JAM3: variants seen among roughly 807,000 people sequenced by gnomAD.
The protein encoded by JAM3 is junctional adhesion molecule C.
In JAM3, 31 loss-of-function variants were observed where a neutral mutation model predicts 39.4. That is an observed-to-expected ratio of 0.79 (90% CI 0.59 to 1.06). JAM3 has a LOEUF of 1.06. Among genes scored for constraint, JAM3 ranks in the 50% least tolerant of loss-of-function variants. The pLI, the probability that JAM3 is intolerant of heterozygous loss-of-function variation, is 0.00. For missense variants in JAM3, 455 were observed against 391.4 expected (o/e 1.16, Z -1.37); for synonymous variants, 182 against 148.7 (o/e 1.22, Z -1.63).
intron 1 of JAM3, among the ~76,000 whole-genome samples, chr11:134,121,487 TG>T (rs1384125124): frequency 6.6e-6 from 1 of 151,998 alleles, no homozygotes; most frequent in African/African-American, 2.4e-5. Context: ...TTTTTTTTTT[TG>T]AGCATGTAAA....
At chr11:134,092,900 T>A (rs1394771267) in intron 1 of JAM3, among the ~76,000 whole-genome samples, 2 of 148,512 alleles carry the variant, frequency 1.3e-5, no homozygotes, top group Admixed American at 1.3e-4. Context: ...TGAACCCTCC[T>A]TATTCATCAT....
intron 1 of JAM3, among the ~76,000 whole-genome samples, chr11:134,118,900 G>A (rs539018477): frequency 6.6e-6 from 1 of 152,122 alleles, no homozygotes; most frequent in East Asian, 1.9e-4. Flanking sequence ...TTCTATTTAA[G>A]GTGGCTGCTA....
intron 1 of JAM3, among the ~76,000 whole-genome samples, chr11:134,129,280 C>T (rs560377779): frequency 5.3e-5 from 8 of 152,198 alleles, no homozygotes; most frequent in East Asian, 3.9e-4. Flanking sequence ...CCATGCCTGG[C>T]TAATTTTTTG....
Position 134,149,957 on chromosome 11 carries a change from T to G in JAM3, c.*776T>G, listed in dbSNP as rs1943165444. The stretch of plus-strand genomic sequence containing the variant: ...AATTTTTGCTAAGGATGTATTTTGA[T>G]TATTGAAAAGAAAATTTCTATTTAA... On this transcript the variant is annotated 3_prime_UTR_variant, in exon 9 of 9. Transcript: ENST00000299106. The G allele has an allele frequency of 6.0e-6, 1 of 167,884 alleles. No homozygotes were observed. The allele number at this position is 167,884 out of a possible 1,614,324, so 10.4% of individuals were successfully genotyped here.
At chr11:134,133,471 A>G (rs994974834) in intron 1 of JAM3, among the ~76,000 whole-genome samples, 3 of 152,152 alleles carry the variant, frequency 2.0e-5, no homozygotes, top group Admixed American at 6.5e-5. Flanking sequence ...AGTTCTTTCT[A>G]TTCCTAGTTT....
Position 134,144,786 on chromosome 11 carries a change from C to G in JAM3, c.410-6C>G, listed in dbSNP as rs747088657. The G allele has an allele frequency of 2.4e-5, 39 of 1,613,012 alleles. No homozygotes were observed. The South Asian group carries it at 3.7e-4, about 15-fold the overall frequency. On this transcript the variant is annotated splice_region_variant and splice_polypyrimidine_tract_variant and intron_variant, in intron 4 of 8. Transcript: ENST00000299106. ...GATCTTAAACACCACCCCTTTTTCCCCACAGTGAAGCCAGTGACCCCTGTC... is the reference window on the plus strand; with the variant it reads ...GATCTTAAACACCACCCCTTTTTCCGCACAGTGAAGCCAGTGACCCCTGTC...
chr11:134,075,257 C>T (rs1166716098), intron 1 of JAM3, among the ~76,000 whole-genome samples: 1 of 151,998 alleles, frequency 6.6e-6, no homozygotes, highest in East Asian at 1.9e-4. Context: ...TCTGGGCTGA[C>T]CTGGTAGAGG....
At chr11:134,106,529 A>G (rs1942191541) in intron 1 of JAM3, among the ~76,000 whole-genome samples, 1 of 152,246 alleles carries the variant, frequency 6.6e-6, no homozygotes, top group African/African-American at 2.4e-5. Context: ...GCACAGCAAA[A>G]GAAACTACCA....
rs181359043 is a variant in JAM3, at chr11:134,077,291, G to A, written c.76+8132G>A. ...TTTGAGAAGTATCTGTTTATGTCTT[G>A]CCCACTTTTTAATGGGATTATTTTT... is the stretch of plus-strand genomic sequence containing the variant. On this transcript the variant is annotated intron_variant, in intron 1 of 8. Transcript: ENST00000299106. Among the ~76,000 whole-genome samples, 4 of 151,528 alleles carry A rather than the reference G, an allele frequency of 2.6e-5. No homozygotes were observed. The East Asian group carries it at 7.7e-4, about 29-fold the overall frequency.
At chr11:134,127,893 T>C (rs1181830597) in intron 1 of JAM3, among the ~76,000 whole-genome samples, 1 of 152,290 alleles carries the variant, frequency 6.6e-6, no homozygotes, top group South Asian at 2.1e-4. Flanking sequence ...CATCATCACC[T>C]GTGCACTCTC....
intron 6 of JAM3, chr11:134,147,831 A>C (rs992937221): frequency 6.5e-6 from 1 of 153,146 alleles, no homozygotes; most frequent in African/African-American, 2.4e-5. Flanking sequence ...GAACCAATAC[A>C]CTAGGATAAA....
intron 1 of JAM3, among the ~76,000 whole-genome samples, chr11:134,133,458 G>T (rs1005119976): frequency 6.6e-6 from 1 of 152,142 alleles, no homozygotes; most frequent in Non-Finnish European, 1.5e-5. Flanking sequence ...ATCATCTATA[G>T]AAAGTTCTTT....
intron 1 of JAM3, among the ~76,000 whole-genome samples, chr11:134,121,548 G>T (rs761642983): frequency 3.3e-5 from 5 of 151,836 alleles, no homozygotes; most frequent in Non-Finnish European, 7.4e-5. Context: ...TTTAAATCAG[G>T]CTGCACACCT....
At chr11:134,105,278 A>G (rs924856408) in intron 1 of JAM3, among the ~76,000 whole-genome samples, 12 of 152,348 alleles carry the variant, frequency 7.9e-5, no homozygotes, top group Admixed American at 7.8e-4. Flanking sequence ...ATAGATGCAG[A>G]AAAGGCCTTT....
intron 1 of JAM3, among the ~76,000 whole-genome samples, chr11:134,101,247 T>C (rs1249448301): frequency 1.3e-5 from 2 of 152,254 alleles, no homozygotes; most frequent in African/African-American, 4.8e-5. Context: ...ATTTATAGAA[T>C]GGTACTGTCA....
chr11:134,130,493 G>T (rs751742555), intron 1 of JAM3, among the ~76,000 whole-genome samples: 28 of 152,230 alleles, frequency 1.8e-4, no homozygotes, highest in Admixed American at 3.9e-4. Flanking sequence ...CAGCAAAATG[G>T]TGGACTGGGA....
At position 134,084,532 on chromosome 11, in the gene JAM3, A is replaced by C. The variant is rs184891933; in HGVS notation, c.76+15373A>C. 4.4e-3 allele frequency among the ~76,000 whole-genome samples: 669 copies of C among 152,376 alleles called. 11 individuals are homozygous for C. Among genetic ancestry groups the C allele is most frequent in the Admixed American group, 0.02 (306 of 15,302 alleles). ...CAGTCAAATTAATTAATTCATGTGAAGTGCTTAGCAGAGTACCTGTCATAG... is the reference window on the plus strand; with the variant it reads ...CAGTCAAATTAATTAATTCATGTGACGTGCTTAGCAGAGTACCTGTCATAG... On this transcript the variant is annotated intron_variant, in intron 1 of 8. Coordinates refer to ENST00000299106, the MANE Select transcript of JAM3 (RefSeq NM_032801.5).
At chr11:134,076,915 A>T (rs940854471) in intron 1 of JAM3, among the ~76,000 whole-genome samples, 1 of 148,698 alleles carries the variant, frequency 6.7e-6, no homozygotes, top group Non-Finnish European at 1.5e-5. Context: ...GCTCACTGCA[A>T]CCTCTGCCTC....
intron 1 of JAM3, among the ~76,000 whole-genome samples, chr11:134,125,085 T>C: frequency 6.6e-6 from 1 of 152,158 alleles, no homozygotes; most frequent in Non-Finnish European, 1.5e-5. Flanking sequence ...GCCGCTGCCC[T>C]GTGGTGTCGC....
Sources: allele counts gnomAD v4.1 joint callset (sites outside exome capture counted in the v4.1 genomes callset), GRCh38; gene constraint gnomAD v4.1.1; transcripts MANE v1.5; gene names NCBI Gene and HGNC (gene_info 2026-07-23, HGNC 2026-07-21).